The following KPNA4 variants were observed in gnomAD, a reference collection of about 807,000 sequenced individuals.
KPNA4 encodes karyopherin subunit alpha 4, also known as importin subunit alpha-3.
In KPNA4, 13 loss-of-function variants were observed where a neutral mutation model predicts 71.3. The ratio of observed to expected loss-of-function variants is 0.18; its 90% CI spans 0.12 to 0.29. The LOEUF is 0.29. KPNA4 is among the 10% of genes least tolerant of loss of function. The pLI is 1.00. For missense variants in KPNA4, 334 were observed against 603.2 expected (o/e 0.55, Z 4.67); for synonymous variants, 189 against 195.2 (o/e 0.97, Z 0.26).
At chr3:160,508,365 A>G in intron 14 of KPNA4, 96 bp from the exon 15 acceptor site, 8 of 846,038 alleles carry the variant, frequency 9.5e-6, no homozygotes, top group Non-Finnish European at 1.4e-5. Context: ...AATTTCGAGT[A>G]TAGAAATATG....
chr3:160,511,958 C>T (rs1340861825), intron 13 of KPNA4, among the ~76,000 whole-genome samples: 2 of 151,646 alleles, frequency 1.3e-5, no homozygotes, highest in Admixed American at 1.3e-4. Flanking sequence ...AATTAAAAAC[C>T]CTGTTATCTT....
At position 160,542,691 on chromosome 3, in the gene KPNA4, G is replaced by T. The variant is rs148907170; in HGVS notation, c.70-5851C>A. Among the ~76,000 whole-genome samples the T allele has an allele frequency of 4.5e-3, 680 of 152,238 alleles. 7 individuals carry two copies. Among genetic ancestry groups the T allele is most frequent in the African/African-American group, 0.016 (657 of 41,552 alleles). Reference sequence around the variant, plus strand: ...GAAGTTCTACTAGTGATGGGCAAAAGTCTTCTCAAGCAGAATCAAGTTCTT... The same window carrying T: ...GAAGTTCTACTAGTGATGGGCAAAATTCTTCTCAAGCAGAATCAAGTTCTT... On this transcript the variant is annotated intron_variant, in intron 1 of 16. Coordinates refer to ENST00000334256, the MANE Select transcript of KPNA4 (RefSeq NM_002268.5).
intron 6 of KPNA4, among the ~76,000 whole-genome samples, 172 bp downstream of exon 6, chr3:160,531,290 T>C (rs1462069058): frequency 6.6e-6 from 1 of 152,226 alleles, no homozygotes; most frequent in East Asian, 1.9e-4. Flanking sequence ...TTTTGGCTAC[T>C]ACCTTCATCT....
intron 5 of KPNA4, among the ~76,000 whole-genome samples, chr3:160,534,718 GA>G (rs544384718): frequency 6.7e-4 from 49 of 73,100 alleles, no homozygotes; most frequent in Middle Eastern, 0.01. Flanking sequence ...CTCCATCTCA[GA>G]AAAAAAAAAA....
chr3:160,535,195 C>T (rs1354531193), intron 5 of KPNA4, among the ~76,000 whole-genome samples: 1 of 152,112 alleles, frequency 6.6e-6, no homozygotes, highest in East Asian at 1.9e-4. Context: ...AAAGGTAAAG[C>T]TTTACAAATA....
Position 160,559,195 on chromosome 3 carries a change from T to C in KPNA4, c.69+6019A>G, listed in dbSNP as rs115804720. 4.5e-3 allele frequency among the ~76,000 whole-genome samples: 681 copies of C among 152,310 alleles called. 7 individuals are homozygous for C. The highest frequency in any genetic ancestry group is 0.016 in the African/African-American group (656 of 41,580). ...CACAAAAATGAGCAAAGTGAGTCTA[T>C]GGCTTCAACGATAACCATTTATAGC... On this transcript the variant is annotated intron_variant, in intron 1 of 16. Transcript: ENST00000334256.
At chr3:160,516,816 A>ATACC (rs1721235894) in intron 11 of KPNA4, among the ~76,000 whole-genome samples, 1 of 152,044 alleles carries the variant, frequency 6.6e-6, no homozygotes, top group Non-Finnish European at 1.5e-5. Context: ...AGGAAAGAAG[A>ATACC]TACCTGCCTA....
At chr3:160,515,156 T>C (rs767651229) in intron 12 of KPNA4, 2 of 527,964 alleles carry the variant, frequency 3.8e-6, no homozygotes, top group Admixed American at 1.9e-5. Context: ...ACTAAACTTA[T>C]AAGAATTACA....
intron 1 of KPNA4, among the ~76,000 whole-genome samples, chr3:160,554,817 C>G (rs1722105511): frequency 6.6e-6 from 1 of 152,216 alleles, no homozygotes; most frequent in African/African-American, 2.4e-5. Flanking sequence ...AGCATGGAAA[C>G]TCAGTGCCCC....
chr3:160,534,732 A>AAAAAAAAAAAG (rs1721649770), intron 5 of KPNA4, among the ~76,000 whole-genome samples: 1 of 151,060 alleles, frequency 6.6e-6, no homozygotes, highest in African/African-American at 2.4e-5. Context: ...AAAAAAAAAA[A>AAAAAAAAAAAG]AAAGAAATGT....
intron 11 of KPNA4, among the ~76,000 whole-genome samples, chr3:160,519,560 T>C (rs6775830): frequency 0.53 from 80,613 of 151,150 alleles, 22,014 homozygotes; most frequent in African/African-American, 0.57. Flanking sequence ...TTTGGGAGGC[T>C]GAGGCGGGTG....
Position 160,508,104 on chromosome 3 carries a change from T to TA in KPNA4, c.1372+2dup. On this transcript the variant is annotated splice_region_variant and intron_variant, in intron 15 of 16. Coordinates refer to ENST00000334256, the MANE Select transcript of KPNA4 (RefSeq NM_002268.5). ...GTGGAATAAGAGCTTATAATAAACT[T>TA]ACCTCCACATTCTTCTATAAGATTG... 1 of 1,594,586 alleles carries TA rather than the reference T, an allele frequency of 6.3e-7. No individual in the cohort carries two copies. Among genetic ancestry groups the TA allele is most frequent in the Non-Finnish European group, 8.5e-7 (1 of 1,172,480 alleles).
At chr3:160,551,056 G>C (rs750852359) in intron 1 of KPNA4, among the ~76,000 whole-genome samples, 11 of 124,450 alleles carry the variant, frequency 8.8e-5, no homozygotes, top group African/African-American at 3.2e-4. Flanking sequence ...AAGAGTCTGA[G>C]CAGGACTGGC....
At chr3:160,547,461 G>T (rs1308660312) in intron 1 of KPNA4, among the ~76,000 whole-genome samples, 2 of 152,082 alleles carry the variant, frequency 1.3e-5, no homozygotes, top group Non-Finnish European at 2.9e-5. Context: ...ACAGTAAAAA[G>T]TACAGACAGT....
chr3:160,560,725 C>CT (rs1008001743), intron 1 of KPNA4, among the ~76,000 whole-genome samples: 7 of 151,952 alleles, frequency 4.6e-5, no homozygotes, highest in Admixed American at 4.6e-4. Context: ...TCCAGGAAAA[C>CT]TATCAATGAA....
chr3:160,535,304 T>A (rs533031824), intron 5 of KPNA4, among the ~76,000 whole-genome samples: 102 of 152,286 alleles, frequency 6.7e-4, no homozygotes, highest in African/African-American at 2.3e-3. Context: ...CACTTTCAAC[T>A]AAAAATAAAA....
At chr3:160,535,471 G>A in intron 5 of KPNA4, 42 bp downstream of exon 5, 1 of 1,485,492 alleles carries the variant, frequency 6.7e-7, no homozygotes, top group Non-Finnish European at 9.3e-7. Context: ...GAACCCCTGT[G>A]TAAGTTGTAA....
intron 1 of KPNA4, among the ~76,000 whole-genome samples, chr3:160,560,875 AG>A (rs1340006215): frequency 6.6e-6 from 1 of 152,092 alleles, no homozygotes; most frequent in East Asian, 1.9e-4. Context: ...ATTAGACAGT[AG>A]TTATTTTAAG....
chr3:160,547,484 C>T (rs908130868), intron 1 of KPNA4, among the ~76,000 whole-genome samples: 45 of 152,004 alleles, frequency 3.0e-4, no homozygotes, highest in Non-Finnish European at 1.8e-4. Context: ...CCATATATTC[C>T]CTGCCCCCAC....
Sources: allele counts gnomAD v4.1 joint callset (sites outside exome capture counted in the v4.1 genomes callset), GRCh38; gene constraint gnomAD v4.1.1; transcripts MANE v1.5; gene names NCBI Gene and HGNC (gene_info 2026-07-23, HGNC 2026-07-21).